IQGAP1: variants seen among roughly 807,000 people sequenced by gnomAD.
IQGAP1 encodes the protein IQ motif containing GTPase activating protein 1.
IQGAP1 carries 66 observed loss-of-function variants against 215.6 expected under a neutral mutation model. That is an observed-to-expected ratio of 0.31 (90% CI 0.25 to 0.38). The LOEUF (loss-of-function observed/expected upper bound fraction) is 0.38. Ranked by LOEUF, IQGAP1 falls within the 10% of genes least tolerant of loss-of-function variation. IQGAP1 has a pLI of 1.00. For missense variants in IQGAP1, 1,712 were observed against 1,997.1 expected (o/e 0.86, Z 2.72); for synonymous variants, 772 against 728.7 (o/e 1.06, Z -0.96).
chr15:90,440,732 G>C, intron 7 of IQGAP1, 117 bp downstream of exon 7: 1 of 654,614 alleles, frequency 1.5e-6, no homozygotes, highest in Middle Eastern at 2.8e-4. Flanking sequence ...TAAGTCCACA[G>C]ATGTAGTTGT....
In IQGAP1 at chr15:90,456,168, T is replaced by C. The variant is rs1422119149; in HGVS notation, c.1629T>C (p.Gly543=). Residue 543 remains glycine (G), a synonymous_variant, in exon 15 of 38, where the codon GGT becomes GGC. Coordinates refer to ENST00000268182, the MANE Select transcript of IQGAP1 (RefSeq NM_003870.4). ...TATATTTAGGGATTTTAGCCATTGG[T>C]TTAATTAATGAAGCCCTGGATGAAG... is the stretch of plus-strand genomic sequence containing the variant. ...QEEHERILAI[G]LINEALDEGD... is the part of the protein sequence containing the mutation. The C allele has an allele frequency of 4.3e-6, 7 of 1,613,688 alleles. No homozygotes were observed. Among genetic ancestry groups the C allele is most frequent in the Admixed American group, 1.7e-5 (1 of 59,916 alleles).
At chr15:90,452,532 G>A (rs1459351809) in intron 11 of IQGAP1, among the ~76,000 whole-genome samples, 2 of 152,198 alleles carry the variant, frequency 1.3e-5, no homozygotes, top group Admixed American at 1.3e-4. Flanking sequence ...AGAAAATAGG[G>A]ATGAGGAGAA....
intron 2 of IQGAP1, among the ~76,000 whole-genome samples, chr15:90,410,853 A>G (rs978201105): frequency 2.0e-5 from 3 of 151,930 alleles, no homozygotes; most frequent in African/African-American, 4.8e-5. Context: ...TAAAAAAAAA[A>G]AAAAAGAAAA....
chr15:90,426,968 AAAG>A (rs1423191270), intron 3 of IQGAP1, among the ~76,000 whole-genome samples: 4 of 149,546 alleles, frequency 2.7e-5, no homozygotes, highest in Middle Eastern at 3.2e-3. Context: ...AAAAAAAAAA[AAAG>A]AAAGCCTAAT....
At chr15:90,442,297 A>T (rs747441118) in intron 8 of IQGAP1, among the ~76,000 whole-genome samples, 6 of 151,936 alleles carry the variant, frequency 3.9e-5, no homozygotes, top group Non-Finnish European at 8.8e-5. Flanking sequence ...TCTATACTAA[A>T]AGTCAAAAAT....
At chr15:90,393,370 T>G (rs1964664654) in intron 2 of IQGAP1, 1 of 152,236 alleles carries the variant, frequency 6.6e-6, no homozygotes, top group Non-Finnish European at 1.5e-5. Flanking sequence ...ACTCTAGATA[T>G]ATCTCTAGAT....
intron 18 of IQGAP1, 96 bp downstream of exon 18, chr15:90,467,688 TAGACTAAAATTGAG>T: frequency 7.8e-7 from 1 of 1,289,008 alleles, no homozygotes; most frequent in Non-Finnish European, 1.1e-6. Flanking sequence ...TCAGAAGCCC[TAGACTAAAATTGAG>T]GTTATGTAAT....
At chr15:90,498,425 T>G (rs962424360) in intron 37 of IQGAP1, among the ~76,000 whole-genome samples, 1 of 152,154 alleles carries the variant, frequency 6.6e-6, no homozygotes, top group East Asian at 1.9e-4. Context: ...AATTTAAAAT[T>G]TTTTATTTAC....
Position 90,449,573 on chromosome 15 carries a change from C to A in IQGAP1, c.1092C>A (p.Asp364Glu), listed in dbSNP as rs150209503. Residue 364 changes from aspartate to glutamate, a missense_variant, in exon 11 of 38, where the codon GAC (aspartate) becomes GAA (glutamate). Asp to Glu is a conservative substitution (Grantham distance 45). This residue lies in a region of IQGAP1 where 1,021 missense variants were observed against 1,074.2 expected (regional missense o/e 0.95). Transcript: ENST00000268182. ...KQQKRQSGQT[D>E]PLQKEELQSG... ...GCTTTGCTCAGAGTGGTCAGACTGA[C>A]CCCCTGCAGAAGGAGGAGCTGCAGT... The A allele has an allele frequency of 1.4e-5, 23 of 1,612,454 alleles. No homozygotes were observed. The African/African-American group carries it at 2.5e-4, about 18-fold the overall frequency.
chr15:90,476,905 A>G, intron 24 of IQGAP1, 87 bp downstream of exon 24: 4 of 1,447,206 alleles, frequency 2.8e-6, no homozygotes, highest in Non-Finnish European at 3.8e-6. Context: ...CTCTGGAAGT[A>G]TTTTTGACTT....
rs12442404 is a variant in IQGAP1, at chr15:90,439,752, G to T, written c.535+353G>T. 2.0e-5 allele frequency among the ~76,000 whole-genome samples: 3 copies of T among 152,290 alleles called. No individual in the cohort carries two copies. In the South Asian group the frequency reaches 6.2e-4, roughly 32 times the overall value. On this transcript the variant is annotated intron_variant, in intron 6 of 37. Coordinates refer to ENST00000268182, the MANE Select transcript of IQGAP1 (RefSeq NM_003870.4). The stretch of plus-strand genomic sequence containing the variant: ...TATCTTTCCCTTTCCATTCCAGCAA[G>T]CATCTGTTGTGGGCAAAGCAAGAGG...
In IQGAP1 at chr15:90,486,882, T is replaced by C. The variant is rs1358513737; in HGVS notation, c.4025-72T>C. 18 of 1,442,704 alleles carry C rather than the reference T, an allele frequency of 1.2e-5. No homozygotes were observed. The East Asian group carries it at 2.5e-4, about 20-fold the overall frequency. The allele number at this position is 1,442,704 out of a possible 1,614,324, so 89.4% of individuals were successfully genotyped here. ...ATTATCTTAGACTTGCATCATCTTA[T>C]ATTTGTATTATTTCCCCCCAATATC... On this transcript the variant is annotated intron_variant, in intron 31 of 37. Coordinates refer to ENST00000268182, the MANE Select transcript of IQGAP1 (RefSeq NM_003870.4).
chr15:90,400,817 A>C (rs1374585037), intron 2 of IQGAP1, among the ~76,000 whole-genome samples: 1 of 152,226 alleles, frequency 6.6e-6, no homozygotes, highest in Non-Finnish European at 1.5e-5. Flanking sequence ...TTTCCGGCTT[A>C]GTGTGGTGAC....
intron 30 of IQGAP1, 49 bp from the exon 31 acceptor site, chr15:90,485,980 CG>C: frequency 7.4e-7 from 1 of 1,359,340 alleles, no homozygotes; most frequent in Non-Finnish European, 1.0e-6. Context: ...TAGGGAGGGA[CG>C]GGCTGAAGAG....
At position 90,502,155 on chromosome 15, in the gene IQGAP1, T is replaced by C. The variant is rs1393571318; in HGVS notation, c.*2047T>C. 1.3e-5 allele frequency: 2 copies of C among 152,662 alleles called. No homozygotes were observed. The highest frequency in any genetic ancestry group is 2.9e-5 in the Non-Finnish European group (2 of 68,040). 9.5% of individuals were successfully genotyped at this position (152,662 alleles called of 1,614,324 possible). A position where few individuals can be genotyped will look rare whatever the true frequency, so the allele number is the denominator to read the frequency against. ...TGACATTTACCATGAATTTACTTCC[T>C]CCCAAGAGTTTGGACTGCCCGTCAG... is the stretch of plus-strand genomic sequence containing the variant. On this transcript the variant is annotated 3_prime_UTR_variant, in exon 38 of 38. Transcript: ENST00000268182.
At chr15:90,425,647 C>T (rs1266569147) in intron 2 of IQGAP1, among the ~76,000 whole-genome samples, 1 of 152,172 alleles carries the variant, frequency 6.6e-6, no homozygotes, top group Non-Finnish European at 1.5e-5. Flanking sequence ...AACCCCCAAG[C>T]AACCTTAAAA....
At chr15:90,419,645 G>C (rs971469781) in intron 2 of IQGAP1, among the ~76,000 whole-genome samples, 4 of 152,272 alleles carry the variant, frequency 2.6e-5, no homozygotes, top group Middle Eastern at 6.8e-3. Context: ...GGTTTTGGTC[G>C]AGTCTATCAT....
chr15:90,461,983 C>CAAAA (rs1365772796), intron 15 of IQGAP1, among the ~76,000 whole-genome samples: 1 of 85,744 alleles, frequency 1.2e-5, no homozygotes, highest in Non-Finnish European at 2.6e-5. Flanking sequence ...ACTAAAAACA[C>CAAAA]AAAAAAAAAA....
chr15:90,414,399 T>G (rs951922720), intron 2 of IQGAP1, among the ~76,000 whole-genome samples: 5 of 152,180 alleles, frequency 3.3e-5, no homozygotes, highest in Non-Finnish European at 7.4e-5. Context: ...CTACTTTTAG[T>G]TACTTTTCTA....
Sources: allele counts gnomAD v4.1 joint callset (sites outside exome capture counted in the v4.1 genomes callset), GRCh38; gene constraint gnomAD v4.1.1; regional missense constraint gnomAD v4.1.1; transcripts MANE v1.5; gene names NCBI Gene and HGNC (gene_info 2026-07-23, HGNC 2026-07-21).